The following DTNBP1 variants were observed in gnomAD, a reference collection of about 807,000 sequenced individuals.
DTNBP1 encodes dysbindin.
A neutral mutation model predicts 42.8 loss-of-function variants in DTNBP1; 35 were observed. The ratio of observed to expected loss-of-function variants is 0.82; its 90% CI spans 0.63 to 1.09. DTNBP1 has a LOEUF of 1.09. Ranked by LOEUF, DTNBP1 falls within the 50% of genes least tolerant of loss-of-function variation. The probability of loss-of-function intolerance (pLI) is 0.00; values close to 1 mark genes in which losing one functional copy is unlikely to be tolerated. For synonymous variants in DTNBP1, 171 were observed against 162.2 expected, an observed-to-expected ratio of 1.05 and a Z score of -0.41; for missense variants, 457 against 424.2, an observed-to-expected ratio of 1.08 and a Z score of -0.68.
At chr6:15,569,604 A>G (rs915895190) in intron 7 of DTNBP1, among the ~76,000 whole-genome samples, 1 of 152,094 alleles carries the variant, frequency 6.6e-6, no homozygotes, top group Non-Finnish European at 1.5e-5. Context: ...CAGTGTAGTG[A>G]CATGCCAGGC....
intron 7 of DTNBP1, chr6:15,546,122 A>ACGG (rs1773864756): frequency 2.5e-6 from 1 of 394,604 alleles, no homozygotes; most frequent in Non-Finnish European, 5.0e-6. Context: ...CTGGAGTGCA[A>ACGG]TGGTGCGATC....
At chr6:15,586,783 A>G (rs956565660) in intron 7 of DTNBP1, among the ~76,000 whole-genome samples, 4 of 152,168 alleles carry the variant, frequency 2.6e-5, no homozygotes, top group Non-Finnish European at 5.9e-5. Context: ...AAGTGTCCTC[A>G]TTAAGATCAC....
intron 6 of DTNBP1, among the ~76,000 whole-genome samples, chr6:15,607,985 T>C (rs1436134345): frequency 3.3e-5 from 5 of 152,208 alleles, no homozygotes; most frequent in Non-Finnish European, 7.3e-5. Context: ...TATTTCTAAA[T>C]AATATGCAAA....
chr6:15,649,765 C>T lies in DTNBP1; in HGVS notation c.161+1548G>A, dbSNP rs138593547. Among the ~76,000 whole-genome samples the T allele has an allele frequency of 1.6e-4, 24 of 152,282 alleles. No individual in the cohort carries two copies. In the East Asian group the frequency reaches 4.4e-3, roughly 28 times the overall value. On this transcript the variant is annotated intron_variant, in intron 3 of 9. Coordinates refer to ENST00000344537, the MANE Select transcript of DTNBP1 (RefSeq NM_032122.5). ...AGACTGTTTCAGTGCGATGTATAAA[C>T]ACATTATTGACACCGTCTTACGGAT... is the stretch of plus-strand genomic sequence containing the variant.
At chr6:15,644,874 T>C (rs1364154134) in intron 3 of DTNBP1, among the ~76,000 whole-genome samples, 1 of 151,692 alleles carries the variant, frequency 6.6e-6, no homozygotes, top group East Asian at 1.9e-4. Flanking sequence ...TTTTAAGAAC[T>C]AGAAAGGCAA....
chr6:15,601,779 A>C (rs1776738582), intron 6 of DTNBP1, among the ~76,000 whole-genome samples: 1 of 151,276 alleles, frequency 6.6e-6, no homozygotes, highest in African/African-American at 2.4e-5. Flanking sequence ...CTGGAGGCAG[A>C]GGTTGTGGTG....
chr6:15,578,520 T>C (rs994181158), intron 7 of DTNBP1, among the ~76,000 whole-genome samples: 2 of 152,206 alleles, frequency 1.3e-5, no homozygotes, highest in African/African-American at 4.8e-5. Context: ...AATTACATTT[T>C]TTCCAGCAAC....
At chr6:15,588,479 A>G (rs568132726) in intron 7 of DTNBP1, among the ~76,000 whole-genome samples, 1 of 152,344 alleles carries the variant, frequency 6.6e-6, no homozygotes, top group South Asian at 2.1e-4. Flanking sequence ...AATTTATTAC[A>G]TAATATACAG....
chr6:15,546,910 TTTTC>T (rs951330218), intron 7 of DTNBP1, among the ~76,000 whole-genome samples: 11 of 144,934 alleles, frequency 7.6e-5, no homozygotes, highest in African/African-American at 1.8e-4. Context: ...AATAGCAGCT[TTTTC>T]TTTCTTTCTT....
chr6:15,528,010 T>A (rs567748590), intron 8 of DTNBP1, among the ~76,000 whole-genome samples: 2 of 152,300 alleles, frequency 1.3e-5, no homozygotes, highest in East Asian at 1.9e-4. Context: ...CAGGAATGCA[T>A]GAGACACGTG....
chr6:15,619,286 C>T (rs1490318134), intron 5 of DTNBP1, among the ~76,000 whole-genome samples: 2 of 152,128 alleles, frequency 1.3e-5, no homozygotes, highest in Non-Finnish European at 2.9e-5. Flanking sequence ...TTATTACACA[C>T]TGTGTACATG....
intron 7 of DTNBP1, among the ~76,000 whole-genome samples, chr6:15,561,510 ATCTC>A (rs1202607560): frequency 6.6e-6 from 1 of 152,200 alleles, no homozygotes; most frequent in Non-Finnish European, 1.5e-5. Flanking sequence ...CTGACCAAGC[ATCTC>A]TCTACCGTGA....
At chr6:15,560,222 C>T (rs1423024511) in intron 7 of DTNBP1, among the ~76,000 whole-genome samples, 2 of 151,924 alleles carry the variant, frequency 1.3e-5, no homozygotes, top group Non-Finnish European at 2.9e-5. Context: ...AGGAGAATGG[C>T]GTGAACCCAG....
intron 7 of DTNBP1, among the ~76,000 whole-genome samples, chr6:15,581,656 T>G (rs1297044793): frequency 6.6e-6 from 1 of 151,872 alleles, no homozygotes; most frequent in Non-Finnish European, 1.5e-5. Context: ...TTTTGTATTT[T>G]TAGTAGATAC....
intron 7 of DTNBP1, among the ~76,000 whole-genome samples, chr6:15,576,370 G>C (rs9476854): frequency 2.0e-5 from 3 of 151,868 alleles, no homozygotes; most frequent in Admixed American, 1.3e-4. Context: ...TGATCCGCCC[G>C]CTGTGGCCTC....
At chr6:15,555,499 C>T (rs919930883) in intron 7 of DTNBP1, among the ~76,000 whole-genome samples, 1 of 152,090 alleles carries the variant, frequency 6.6e-6, no homozygotes, top group African/African-American at 2.4e-5. Flanking sequence ...AAGAAGCCTG[C>T]CAAAACCCAC....
intron 7 of DTNBP1, among the ~76,000 whole-genome samples, chr6:15,564,214 C>CG (rs1375271090): frequency 6.6e-6 from 1 of 151,982 alleles, no homozygotes; most frequent in Non-Finnish European, 1.5e-5. Context: ...CCATGTGCAT[C>CG]GGGCAAGGAA....
intron 4 of DTNBP1, among the ~76,000 whole-genome samples, chr6:15,632,729 G>A (rs867901655): frequency 1.6e-4 from 25 of 152,110 alleles, no homozygotes; most frequent in African/African-American, 5.3e-4. Context: ...TGCATCTGAC[G>A]ATCATTTTCA....
chr6:15,618,531 T>TA (rs202049957), intron 5 of DTNBP1, among the ~76,000 whole-genome samples: 22,052 of 131,584 alleles, frequency 0.17, 1,775 homozygotes, highest in East Asian at 0.32. Flanking sequence ...CCCCTAAAAC[T>TA]AAAAAAAAAA....
Sources: allele counts gnomAD v4.1 joint callset (sites outside exome capture counted in the v4.1 genomes callset), GRCh38; gene constraint gnomAD v4.1.1; transcripts MANE v1.5; gene names NCBI Gene and HGNC (gene_info 2026-07-23, HGNC 2026-07-21).